CNTN5: variants seen among roughly 807,000 people sequenced by gnomAD.
The protein encoded by CNTN5 is contactin 5.
A neutral mutation model predicts 129.1 loss-of-function variants in CNTN5; 77 were observed. That is an observed-to-expected ratio of 0.60 (90% CI 0.50 to 0.72). The LOEUF is 0.72. CNTN5 is among the 30% of genes least tolerant of loss of function. CNTN5 has a pLI of 0.00. For synonymous variants in CNTN5, 509 were observed against 465.6 expected (o/e 1.09, Z -1.20); for missense variants, 1,478 against 1,328.8 (o/e 1.11, Z -1.75).
At chr11:99,172,638 T>C (rs895516919) in intron 1 of CNTN5, among the ~76,000 whole-genome samples, 1 of 152,148 alleles carries the variant, frequency 6.6e-6, no homozygotes, top group Non-Finnish European at 1.5e-5. Context: ...AGTAACCAAG[T>C]AGAGAATAAA....
chr11:100,020,874 G>T (rs570825163), intron 9 of CNTN5, among the ~76,000 whole-genome samples: 1 of 152,004 alleles, frequency 6.6e-6, no homozygotes. Flanking sequence ...GGAGGTTAAA[G>T]GTTTGTACAC....
At chr11:99,623,994 G>A (rs1316530223) in intron 3 of CNTN5, among the ~76,000 whole-genome samples, 1 of 151,968 alleles carries the variant, frequency 6.6e-6, no homozygotes. Context: ...TGTTAACTTT[G>A]TTGATCAAAA....
At chr11:99,082,474 C>T (rs112639300) in intron 1 of CNTN5, among the ~76,000 whole-genome samples, 5 of 152,144 alleles carry the variant, frequency 3.3e-5, no homozygotes, top group Non-Finnish European at 5.9e-5. Context: ...TGAGCCACCA[C>T]GCCAGGCCAA....
intron 7 of CNTN5, among the ~76,000 whole-genome samples, chr11:99,949,358 A>G (rs191946362): frequency 4.6e-5 from 7 of 152,214 alleles, no homozygotes; most frequent in African/African-American, 1.7e-4. Context: ...AGTTCTCCAT[A>G]TATATCTTTT....
At chr11:99,497,685 GATATTC>G (rs1946278338) in intron 2 of CNTN5, among the ~76,000 whole-genome samples, 2 of 152,112 alleles carry the variant, frequency 1.3e-5, no homozygotes, top group Admixed American at 6.5e-5. Flanking sequence ...AACTCTGCTA[GATATTC>G]ATTGTTTGAA....
At position 99,950,593 on chromosome 11, in the gene CNTN5, A is replaced by G. The variant is rs547337077; in HGVS notation, c.674-6213A>G. 7.2e-5 allele frequency among the ~76,000 whole-genome samples: 11 copies of G among 152,358 alleles called. 1 individual carries two copies. In the South Asian group the frequency reaches 2.3e-3, roughly 32 times the overall value. On this transcript the variant is annotated intron_variant, in intron 7 of 24. Coordinates refer to ENST00000524871, the MANE Select transcript of CNTN5 (RefSeq NM_014361.4). ...GATCTTCGTCTCTGGTTGTGTTTTT[A>G]TAGATGAAACTTTTGACACTTGGAA... is the stretch of plus-strand genomic sequence containing the variant.
chr11:100,046,673 T>C (rs1219968677), intron 9 of CNTN5, among the ~76,000 whole-genome samples: 3 of 152,204 alleles, frequency 2.0e-5, no homozygotes, highest in Non-Finnish European at 4.4e-5. Flanking sequence ...TATCAGACTT[T>C]GGATTGTTAC....
At chr11:100,261,257 C>T (rs538039167) in intron 17 of CNTN5, among the ~76,000 whole-genome samples, 110 of 151,976 alleles carry the variant, frequency 7.2e-4, no homozygotes, top group African/African-American at 1.9e-3. Flanking sequence ...GAAGGACCTC[C>T]TCAAAGAGAA....
intron 3 of CNTN5, among the ~76,000 whole-genome samples, chr11:99,751,612 T>G (rs551767658): frequency 1.3e-5 from 2 of 152,316 alleles, no homozygotes; most frequent in South Asian, 4.1e-4. Flanking sequence ...ACTCCTAATT[T>G]TTCACAGTAA....
At chr11:99,080,983 T>TTTTG (rs1490119017) in intron 1 of CNTN5, among the ~76,000 whole-genome samples, 3 of 150,390 alleles carry the variant, frequency 2.0e-5, no homozygotes, top group Non-Finnish European at 4.4e-5. Context: ...GAAATCAGTT[T>TTTTG]TTTTTTTTTT....
chr11:99,777,521 A>G (rs1945166332), intron 3 of CNTN5, among the ~76,000 whole-genome samples: 1 of 151,854 alleles, frequency 6.6e-6, no homozygotes, highest in African/African-American at 2.4e-5. Flanking sequence ...GAACTTTTCC[A>G]CTATAAAAAC....
Position 100,310,109 on chromosome 11 carries a change from T to C in CNTN5, c.2730+1641T>C, listed in dbSNP as rs545160431. Among the ~76,000 whole-genome samples the C allele has an allele frequency of 1.9e-4, 29 of 152,064 alleles. 1 individual carries two copies. In the South Asian group the frequency reaches 5.6e-3, roughly 29 times the overall value. ...GTAAGCATCCTCACAGTAAATAATATGCACCAAAATCCCTATCTCAAGCTC... is the reference window on the plus strand; with the variant it reads ...GTAAGCATCCTCACAGTAAATAATACGCACCAAAATCCCTATCTCAAGCTC... On this transcript the variant is annotated intron_variant, in intron 21 of 24. Transcript: ENST00000524871.
At chr11:99,717,195 A>T (rs919307662) in intron 3 of CNTN5, among the ~76,000 whole-genome samples, 1 of 152,004 alleles carries the variant, frequency 6.6e-6, no homozygotes, top group African/African-American at 2.4e-5. Context: ...TAGTATTTGT[A>T]GTTTCATTTT....
intron 8 of CNTN5, among the ~76,000 whole-genome samples, chr11:99,963,604 T>C (rs1350809022): frequency 6.6e-6 from 1 of 152,198 alleles, no homozygotes; most frequent in Non-Finnish European, 1.5e-5. Flanking sequence ...TGCCTCCAGC[T>C]TTGTTCTTTT....
intron 2 of CNTN5, among the ~76,000 whole-genome samples, chr11:99,524,495 A>T (rs929068119): frequency 2.6e-5 from 4 of 152,196 alleles, no homozygotes; most frequent in African/African-American, 9.6e-5. Context: ...ATCATGAAAT[A>T]ATACGTGTGT....
At chr11:99,335,565 A>G (rs1426771605) in intron 2 of CNTN5, among the ~76,000 whole-genome samples, 2 of 152,052 alleles carry the variant, frequency 1.3e-5, no homozygotes, top group Non-Finnish European at 2.9e-5. Flanking sequence ...GAGAAAGGAC[A>G]TAATAATGAG....
intron 8 of CNTN5, among the ~76,000 whole-genome samples, chr11:99,990,112 A>T (rs1037076366): frequency 6.6e-6 from 1 of 152,084 alleles, no homozygotes; most frequent in African/African-American, 2.4e-5. Flanking sequence ...TTTGGTAAAT[A>T]TATATAGTTG....
intron 13 of CNTN5, among the ~76,000 whole-genome samples, chr11:100,112,089 T>C (rs1303745156): frequency 1.3e-5 from 2 of 152,126 alleles, no homozygotes; most frequent in Non-Finnish European, 2.9e-5. Context: ...GGAAACTAGG[T>C]GTGGCCATAT....
At chr11:99,172,241 T>C (rs891665507) in intron 1 of CNTN5, among the ~76,000 whole-genome samples, 2 of 152,146 alleles carry the variant, frequency 1.3e-5, no homozygotes, top group Admixed American at 6.5e-5. Flanking sequence ...TACACTAATC[T>C]CTGAGTAACT....
Sources: allele counts gnomAD v4.1 joint callset (sites outside exome capture counted in the v4.1 genomes callset), GRCh38; gene constraint gnomAD v4.1.1; transcripts MANE v1.5; gene names NCBI Gene and HGNC (gene_info 2026-07-23, HGNC 2026-07-21).